CTNND2: variants seen among roughly 807,000 people sequenced by gnomAD.
The protein encoded by CTNND2 is catenin delta-2.
A neutral mutation model predicts 144.4 loss-of-function variants in CTNND2; 22 were observed. The ratio of observed to expected loss-of-function variants is 0.15; its 90% CI spans 0.11 to 0.22. The LOEUF (loss-of-function observed/expected upper bound fraction) is 0.22. CTNND2 is among the 10% of genes least tolerant of loss of function. CTNND2 has a pLI of 1.00. For missense variants in CTNND2, 1,353 were observed against 1,618.8 expected, an observed-to-expected ratio of 0.84 and a Z score of 2.82; for synonymous variants, 751 against 695.6, an observed-to-expected ratio of 1.08 and a Z score of -1.25.
At chr5:11,437,239 G>A (rs1277240944) in intron 3 of CTNND2, among the ~76,000 whole-genome samples, 1 of 152,136 alleles carries the variant, frequency 6.6e-6, no homozygotes, top group East Asian at 1.9e-4. Context: ...TCAAATCCTT[G>A]TAAAAGAAAT....
At chr5:11,204,076 G>T (rs553919957) in intron 10 of CTNND2, among the ~76,000 whole-genome samples, 2 of 152,302 alleles carry the variant, frequency 1.3e-5, no homozygotes, top group South Asian at 4.1e-4. Flanking sequence ...TTTCTGCTTA[G>T]CTGTGCACTT....
chr5:11,275,981 T>C (rs923656646), intron 9 of CTNND2, among the ~76,000 whole-genome samples: 2 of 152,244 alleles, frequency 1.3e-5, no homozygotes, highest in African/African-American at 4.8e-5. Flanking sequence ...AACATGGTCT[T>C]AGTTGTTTCT....
chr5:11,055,809 T>G (rs6888989), intron 16 of CTNND2, among the ~76,000 whole-genome samples: 2,803 of 152,230 alleles, frequency 0.018, 92 homozygotes, highest in African/African-American at 0.064. Flanking sequence ...GAGAATGAGC[T>G]GCTACTGGCC....
chr5:11,616,094 A>T (rs76576299), intron 2 of CTNND2, among the ~76,000 whole-genome samples: 3,760 of 152,234 alleles, frequency 0.025, 148 homozygotes, highest in African/African-American at 0.086. Context: ...CAAGTTTGAA[A>T]CGGTGATATT....
chr5:11,241,215 C>A (rs1012158708), intron 9 of CTNND2, among the ~76,000 whole-genome samples: 2 of 152,198 alleles, frequency 1.3e-5, no homozygotes, highest in Non-Finnish European at 2.9e-5. Flanking sequence ...ACCTGAGCAG[C>A]CTTCTCTATG....
chr5:11,570,478 C>T (rs1252428451), intron 2 of CTNND2, among the ~76,000 whole-genome samples: 1 of 152,140 alleles, frequency 6.6e-6, no homozygotes, highest in East Asian at 1.9e-4. Context: ...TTATTCTACT[C>T]TCACACTTAG....
intron 3 of CTNND2, among the ~76,000 whole-genome samples, chr5:11,447,110 A>T (rs1194308153): frequency 2.0e-5 from 3 of 152,166 alleles, no homozygotes. Flanking sequence ...TCAGGCGGCT[A>T]AGGCGGGCAG....
intron 9 of CTNND2, among the ~76,000 whole-genome samples, chr5:11,311,047 C>T: frequency 6.8e-6 from 1 of 146,404 alleles, no homozygotes; most frequent in East Asian, 2.1e-4. Flanking sequence ...TCTTACCCCA[C>T]AGGCACTCAC....
chr5:11,206,036 A>C (rs1264739224), intron 10 of CTNND2, among the ~76,000 whole-genome samples: 1 of 152,244 alleles, frequency 6.6e-6, no homozygotes, highest in Non-Finnish European at 1.5e-5. Flanking sequence ...CAAAGTACTC[A>C]GTAAACATTA....
intron 10 of CTNND2, among the ~76,000 whole-genome samples, chr5:11,206,999 T>C (rs1203170573): frequency 2.6e-5 from 4 of 152,202 alleles, no homozygotes; most frequent in Non-Finnish European, 5.9e-5. Context: ...AGATTTAATC[T>C]ATTGGATGTT....
At chr5:11,697,618 C>T (rs1272310853) in intron 2 of CTNND2, among the ~76,000 whole-genome samples, 1 of 152,148 alleles carries the variant, frequency 6.6e-6, no homozygotes. Flanking sequence ...ATTATGCCCA[C>T]TTTTCAGATG....
At chr5:11,049,605 C>T (rs974704077) in intron 16 of CTNND2, among the ~76,000 whole-genome samples, 1 of 152,188 alleles carries the variant, frequency 6.6e-6, no homozygotes, top group Non-Finnish European at 1.5e-5. Flanking sequence ...ACCATCTCCC[C>T]TGCATTGTAG....
intron 3 of CTNND2, among the ~76,000 whole-genome samples, chr5:11,509,793 G>A (rs1456437604): frequency 6.6e-6 from 1 of 152,156 alleles, no homozygotes; most frequent in Non-Finnish European, 1.5e-5. Flanking sequence ...GTACCAAACA[G>A]GTGCTACGGA....
intron 15 of CTNND2, among the ~76,000 whole-genome samples, chr5:11,094,189 A>G (rs1751068561): frequency 6.6e-6 from 1 of 152,224 alleles, no homozygotes; most frequent in African/African-American, 2.4e-5. Context: ...CATAAGCAAG[A>G]CTGACATCCT....
intron 2 of CTNND2, among the ~76,000 whole-genome samples, chr5:11,587,542 C>A (rs1033147656): frequency 1.3e-5 from 2 of 151,916 alleles, no homozygotes; most frequent in Non-Finnish European, 2.9e-5. Context: ...AAAATTAAAT[C>A]ATTTTTAAGT....
intron 12 of CTNND2, among the ~76,000 whole-genome samples, chr5:11,148,137 A>G (rs1757422966): frequency 1.3e-5 from 2 of 152,228 alleles, no homozygotes; most frequent in South Asian, 4.1e-4. Context: ...ATAGAGAAAG[A>G]GCACAGACTG....
intron 18 of CTNND2, among the ~76,000 whole-genome samples, chr5:10,999,548 T>G (rs1209779200): frequency 6.6e-6 from 1 of 152,182 alleles, no homozygotes; most frequent in Non-Finnish European, 1.5e-5. Flanking sequence ...CTATTGATGA[T>G]AAAGAACTCT....
intron 3 of CTNND2, among the ~76,000 whole-genome samples, chr5:11,531,903 C>A (rs998992153): frequency 6.6e-6 from 1 of 152,066 alleles, no homozygotes; most frequent in African/African-American, 2.4e-5. Flanking sequence ...TTTGGCTTAT[C>A]CACCAAATAA....
chr5:11,336,510 C>G (rs995141547), intron 9 of CTNND2, among the ~76,000 whole-genome samples: 1 of 152,164 alleles, frequency 6.6e-6, no homozygotes, highest in Non-Finnish European at 1.5e-5. Flanking sequence ...CCTATCAACA[C>G]TGATAAATAG....
Sources: allele counts gnomAD v4.1 joint callset (sites outside exome capture counted in the v4.1 genomes callset), GRCh38; gene constraint gnomAD v4.1.1; transcripts MANE v1.5; gene names NCBI Gene and HGNC (gene_info 2026-07-23, HGNC 2026-07-21).